ANKS1B: variants seen among roughly 807,000 people sequenced by gnomAD.
ANKS1B encodes the protein ankyrin repeat and sterile alpha motif domain-containing protein 1B.
Under a neutral mutation model 148.3 loss-of-function variants are expected in ANKS1B, and 36 were observed. The observed-to-expected ratio is 0.24, with a 90% CI of 0.19 to 0.32. ANKS1B has a LOEUF of 0.32. ANKS1B is among the 10% of genes least tolerant of loss of function. The pLI, the probability that ANKS1B is intolerant of heterozygous loss-of-function variation, is 1.00. For synonymous variants in ANKS1B, 542 were observed against 560.8 expected, an observed-to-expected ratio of 0.97 and a Z score of 0.47; for missense variants, 1,157 against 1,542.6, an observed-to-expected ratio of 0.75 and a Z score of 4.19.
chr12:99,157,825 T>A (rs946823129), intron 14 of ANKS1B, among the ~76,000 whole-genome samples: 5 of 152,124 alleles, frequency 3.3e-5, no homozygotes, highest in African/African-American at 1.2e-4. Flanking sequence ...TAAAATTATA[T>A]ATTACAAAAG....
At chr12:99,664,753 A>G (rs35334720) in intron 8 of ANKS1B, among the ~76,000 whole-genome samples, 8,177 of 152,230 alleles carry the variant, frequency 0.054, 276 homozygotes, top group Non-Finnish European at 0.085. Context: ...CTGCCACAAT[A>G]TAGTAGCATA....
chr12:99,084,656 T>C (rs937329013), intron 16 of ANKS1B, among the ~76,000 whole-genome samples: 3 of 152,084 alleles, frequency 2.0e-5, no homozygotes, highest in Non-Finnish European at 4.4e-5. Flanking sequence ...AGGTGGAAGT[T>C]GCAGTGAGCC....
At chr12:99,716,139 C>T (rs1567702849) in intron 8 of ANKS1B, among the ~76,000 whole-genome samples, 1 of 151,996 alleles carries the variant, frequency 6.6e-6, no homozygotes, top group South Asian at 2.1e-4. Context: ...GGTGCAAGAA[C>T]CCCCCGATCC....
intron 19 of ANKS1B, among the ~76,000 whole-genome samples, chr12:98,824,335 G>T (rs892394796): frequency 1.3e-5 from 2 of 152,100 alleles, no homozygotes; most frequent in Non-Finnish European, 2.9e-5. Flanking sequence ...GCTAAATATG[G>T]GTAACACTGG....
chr12:98,894,293 A>G (rs770901082), intron 17 of ANKS1B, among the ~76,000 whole-genome samples: 11 of 152,070 alleles, frequency 7.2e-5, no homozygotes, highest in Non-Finnish European at 1.3e-4. Context: ...TACACTGTTA[A>G]AGTCAAACCA....
intron 10 of ANKS1B, among the ~76,000 whole-genome samples, chr12:99,456,697 A>T (rs1001089500): frequency 2.6e-5 from 4 of 152,174 alleles, no homozygotes; most frequent in Non-Finnish European, 1.5e-5. Flanking sequence ...AAGGCTTTCA[A>T]ATTAACCCAA....
intron 1 of ANKS1B, among the ~76,000 whole-genome samples, chr12:99,891,649 T>C (rs1269644965): frequency 6.6e-6 from 1 of 152,240 alleles, no homozygotes; most frequent in Non-Finnish European, 1.5e-5. Flanking sequence ...TTTAATAAAC[T>C]TTGGATATTG....
intron 1 of ANKS1B, among the ~76,000 whole-genome samples, chr12:99,875,168 T>C (rs2153731907): frequency 6.6e-6 from 1 of 152,280 alleles, no homozygotes; most frequent in Non-Finnish European, 1.5e-5. Context: ...ATGCTTTGAC[T>C]TGGGCTGTTA....
Position 98,853,548 on chromosome 12 carries a change from T to C in ANKS1B, c.2779-21412A>G, listed in dbSNP as rs568437899. Among the ~76,000 whole-genome samples, 29 of 152,318 alleles carry C rather than the reference T, an allele frequency of 1.9e-4. 1 individual carries two copies. The highest frequency in any genetic ancestry group is 7.0e-4 in the African/African-American group (29 of 41,574). ...ACTACAAGAACTTTCGGTGTTTGCA[T>C]TCTTCCCTTTGCTCTTTAAATGGCT... On this transcript the variant is annotated intron_variant, in intron 17 of 26. Transcript: ENST00000683438.
chr12:99,014,440 T>C (rs951172267), intron 17 of ANKS1B, among the ~76,000 whole-genome samples: 2 of 152,100 alleles, frequency 1.3e-5, no homozygotes, highest in African/African-American at 2.4e-5. Context: ...ACCTAGGCAA[T>C]ACCATTCAGG....
intron 9 of ANKS1B, among the ~76,000 whole-genome samples, chr12:99,643,063 C>T (rs894405562): frequency 6.6e-6 from 1 of 152,154 alleles, no homozygotes; most frequent in African/African-American, 2.4e-5. Context: ...TTGTCATATA[C>T]AGTAACATAT....
At chr12:99,394,957 T>C (rs1033429648) in intron 12 of ANKS1B, among the ~76,000 whole-genome samples, 6 of 152,206 alleles carry the variant, frequency 3.9e-5, no homozygotes, top group African/African-American at 7.2e-5. Context: ...TGTCAAACGA[T>C]AGGAAATTCA....
intron 16 of ANKS1B, among the ~76,000 whole-genome samples, chr12:99,071,253 G>A (rs2046179252): frequency 6.6e-6 from 1 of 152,192 alleles, no homozygotes. Flanking sequence ...TGGGACATAA[G>A]TAAATGCTCA....
chr12:98,913,907 T>C (rs2099790339), intron 17 of ANKS1B, among the ~76,000 whole-genome samples: 1 of 152,194 alleles, frequency 6.6e-6, no homozygotes, highest in Non-Finnish European at 1.5e-5. Flanking sequence ...TGTCAATTTC[T>C]ACCCCAAACC....
intron 1 of ANKS1B, among the ~76,000 whole-genome samples, chr12:99,858,882 G>C (rs1356951180): frequency 6.6e-6 from 1 of 152,050 alleles, no homozygotes; most frequent in East Asian, 1.9e-4. Flanking sequence ...GGGGAAAGAG[G>C]GGGCGGGTGA....
rs141858607 is a variant in ANKS1B at position 99,615,010 on chromosome 12, T to C, written c.1272+40057A>G. Among the ~76,000 whole-genome samples, 1,267 of 151,100 alleles carry C rather than the reference T, an allele frequency of 8.4e-3. 23 individuals carry two copies. Among genetic ancestry groups the C allele is most frequent in the African/African-American group, 0.029 (1,209 of 41,494 alleles). ...CTTGCACCCCCACCTTGAAAATTAC[T>C]TCTTACGCAATGATTCCATCCATTA... On this transcript the variant is annotated intron_variant, in intron 9 of 26. Transcript: ENST00000683438.
At chr12:99,772,888 A>G in intron 8 of ANKS1B, 34 bp downstream of exon 8, 1 of 1,590,100 alleles carries the variant, frequency 6.3e-7, no homozygotes, top group Non-Finnish European at 8.6e-7. Flanking sequence ...GCAAAGACAG[A>G]CACATTATCT....
intron 17 of ANKS1B, among the ~76,000 whole-genome samples, chr12:98,902,311 G>A (rs1240866780): frequency 6.6e-6 from 1 of 152,138 alleles, no homozygotes; most frequent in African/African-American, 2.4e-5. Flanking sequence ...AGCACAGTTG[G>A]TAAGTACCTC....
intron 9 of ANKS1B, chr12:99,648,485 C>T (rs1279340340): frequency 1.9e-6 from 3 of 1,614,114 alleles, no homozygotes; most frequent in Non-Finnish European, 1.7e-6. Context: ...GGTCCTGCCA[C>T]CCAGAAAAGA....
Sources: gnomAD v4.1 joint callset for allele counts (sites outside exome capture counted in the v4.1 genomes callset) on GRCh38, gnomAD v4.1.1 for gene constraint, MANE v1.5 for transcripts, NCBI Gene and HGNC (gene_info 2026-07-23, HGNC 2026-07-21) for gene names.